Variants in ELFN1 observed in about 807,000 individuals in gnomAD.
ELFN1 encodes the protein extracellular leucine rich repeat and fibronectin type III domain containing 1.
In ELFN1, 6 loss-of-function variants were observed where a neutral mutation model predicts 7.6. That is an observed-to-expected ratio of 0.79 (90% CI 0.43 to 1.56). The LOEUF is 1.56. Ranked by LOEUF, ELFN1 falls within the 40% of genes most tolerant of loss-of-function variation. ELFN1 has a pLI of 0.01. For missense variants in ELFN1, 1,169 were observed against 1,232.2 expected, an observed-to-expected ratio of 0.95 and a Z score of 0.77; for synonymous variants, 657 against 588.1, an observed-to-expected ratio of 1.12 and a Z score of -1.70.
rs547789992 is a variant in ELFN1 at position 1,693,306 on chromosome 7, C to T, written c.-456+5156C>T. On this transcript the variant is annotated intron_variant, in intron 2 of 3. Coordinates refer to ENST00000424383, the MANE Select transcript of ELFN1 (RefSeq NM_001128636.4). ...CTGGGGAAAGGAACGCCCATCGGGG[C>T]AGCCTCAGAAAGTGCCCGATTCCAA... is the stretch of plus-strand genomic sequence containing the variant. The T allele has an allele frequency of 2.4e-5, 11 of 457,240 alleles. 1 individual carries two copies. Among genetic ancestry groups the T allele is most frequent in the African/African-American group, 1.2e-4 (6 of 49,950 alleles). The allele number at this position is 457,240 out of a possible 1,614,324, so 28.3% of individuals were successfully genotyped here. A position where few individuals can be genotyped will look rare whatever the true frequency, so the allele number is the denominator to read the frequency against.
At chr7:1,726,638 C>T (rs1453918977) in intron 3 of ELFN1, among the ~76,000 whole-genome samples, 1 of 152,186 alleles carries the variant, frequency 6.6e-6, no homozygotes, top group Non-Finnish European at 1.5e-5. Context: ...CCAGGGAGGG[C>T]CCCCAAGTCC....
chr7:1,678,475 C>T lies in ELFN1; in HGVS notation c.-549+8121C>T, dbSNP rs116039410. ...GTGCCCATTTCACAGACCAGAAGGCCGAGGCATGGAGTGGGGAAGTAACAT... is the reference window on the plus strand; with the variant it reads ...GTGCCCATTTCACAGACCAGAAGGCTGAGGCATGGAGTGGGGAAGTAACAT... On this transcript the variant is annotated intron_variant, in intron 1 of 3. Transcript: ENST00000424383. Among the ~76,000 whole-genome samples the T allele has an allele frequency of 3.8e-3, 582 of 152,306 alleles. 5 individuals carry two copies. Among genetic ancestry groups the T allele is most frequent in the African/African-American group, 0.013 (561 of 41,556 alleles).
intron 3 of ELFN1, among the ~76,000 whole-genome samples, chr7:1,713,087 G>GTTCAGGCTCC (rs1779711779): frequency 6.6e-6 from 1 of 152,138 alleles, no homozygotes; most frequent in Admixed American, 6.5e-5. Flanking sequence ...CCCAGCCCAA[G>GTTCAGGCTCC]TTCAGGCTCC....
rs540290677 is a variant in ELFN1 at position 1,701,898 on chromosome 7, C to G, written c.-455-7193C>G. The stretch of plus-strand genomic sequence containing the variant: ...ATAGTTCTTCTTTTTGCATTTAGCT[C>G]TGTAATCAGCCTGGAGTTGACTTTA... On this transcript the variant is annotated intron_variant, in intron 2 of 3. Coordinates refer to ENST00000424383, the MANE Select transcript of ELFN1 (RefSeq NM_001128636.4). Among the ~76,000 whole-genome samples, 29 of 152,224 alleles carry G rather than the reference C, an allele frequency of 1.9e-4. 1 individual carries two copies. Among genetic ancestry groups the G allele is most frequent in the African/African-American group, 7.0e-4 (29 of 41,538 alleles).
chr7:1,736,450 C>T (rs1039403633), intron 3 of ELFN1, among the ~76,000 whole-genome samples: 5 of 152,204 alleles, frequency 3.3e-5, no homozygotes, highest in South Asian at 2.1e-4. Context: ...CGTCCCAGCA[C>T]GGCTGTTGTG....
rs148947783 is a variant in ELFN1, at chr7:1,746,026, C to T, written c.1430C>T (p.Ala477Val). 1,109 of 1,543,988 alleles carry T rather than the reference C, an allele frequency of 7.2e-4. 6 individuals are homozygous for T. The African/African-American group carries it at 0.013, about 18-fold the overall frequency. Residue 477 changes from alanine (A) to valine (V), a missense_variant, in exon 4 of 4, where the codon GCG becomes GTG. By Grantham distance (64) the Ala-to-Val change is moderately conservative (BLOSUM62 0). This residue lies in a region of ELFN1 where 914 missense variants were observed against 872.6 expected (regional missense o/e 1.05). Transcript: ENST00000424383. ...IELKYGPELE[A>V]PGLAPLSQGP... ...CTCAAGTACGGGCCAGAGCTGGAGG[C>T]GCCCGGCCTGGCCCCGCTGTCCCAG...
Position 1,746,932 on chromosome 7 carries a change from G to A in ELFN1, c.2336G>A (p.Arg779His), listed in dbSNP as rs1036475500. The A allele has an allele frequency of 2.6e-6, 4 of 1,549,904 alleles. No homozygotes were observed. Among genetic ancestry groups the A allele is most frequent in the East Asian group, 2.4e-5 (1 of 40,874 alleles). Residue 779 changes from arginine (R) to histidine (H), a missense_variant, in exon 4 of 4, where the codon CGC (arginine) becomes CAC (histidine). Coordinates refer to ENST00000424383, the MANE Select transcript of ELFN1 (RefSeq NM_001128636.4). ...CGGGCCTCCCAGAGCATCTGGGAGC[G>A]CTTCAGACTGAGCCGCCGGCGGCAC... is the stretch of plus-strand genomic sequence containing the variant. ...TCRASQSIWE[R>H]FRLSRRRHKE...
intron 3 of ELFN1, among the ~76,000 whole-genome samples, chr7:1,720,291 G>C (rs889980172): frequency 6.6e-6 from 1 of 152,180 alleles, no homozygotes; most frequent in Non-Finnish European, 1.5e-5. Flanking sequence ...GGGAACAGCC[G>C]GTGGGCAGAC....
At position 1,719,317 on chromosome 7, in the gene ELFN1, C is replaced by CCAACAGGAA. The variant is rs1779942027; in HGVS notation, c.-294+10066_-294+10067insAACAGGAAC. The stretch of plus-strand genomic sequence containing the variant: ...AACAGGGCCCCGCCCACCAACAGGA[C>CCAACAGGAA]CCAAGCCACCAACAGGGCCCCGCCC... On this transcript the variant is annotated intron_variant, in intron 3 of 3. Coordinates refer to ENST00000424383, the MANE Select transcript of ELFN1 (RefSeq NM_001128636.4). Among the ~76,000 whole-genome samples, 11 of 128,392 alleles carry CCAACAGGAA rather than the reference C, an allele frequency of 8.6e-5. 1 individual carries two copies. Among genetic ancestry groups the CCAACAGGAA allele is most frequent in the Admixed American group, 7.5e-4 (10 of 13,370 alleles). The allele number at this position is 128,392 out of a possible 152,430, so 84.2% of individuals were successfully genotyped here. A position where few individuals can be genotyped will look rare whatever the true frequency, so the allele number is the denominator to read the frequency against.
At chr7:1,734,266 T>C (rs1414733608) in intron 3 of ELFN1, among the ~76,000 whole-genome samples, 2 of 151,980 alleles carry the variant, frequency 1.3e-5, no homozygotes, top group Non-Finnish European at 2.9e-5. Flanking sequence ...TCATTCCTCC[T>C]CTCCCGGGGC....
At position 1,727,948 on chromosome 7, in the gene ELFN1, C is replaced by A. The variant is rs952180167; in HGVS notation, c.-293-16356C>A. 4.6e-5 allele frequency among the ~76,000 whole-genome samples: 7 copies of A among 152,220 alleles called. No individual in the cohort carries two copies. The South Asian group carries it at 1.5e-3, about 32-fold the overall frequency. On this transcript the variant is annotated intron_variant, in intron 3 of 3. Transcript: ENST00000424383. The stretch of plus-strand genomic sequence containing the variant: ...TTGCAGCCTGTTGGACTTTTGAATG[C>A]CCAGGGAATGGGCCTTCTCTCCACC...
chr7:1,671,142 G>T (rs1346569887), intron 1 of ELFN1, among the ~76,000 whole-genome samples: 1 of 151,234 alleles, frequency 6.6e-6, no homozygotes, highest in Admixed American at 6.6e-5. Context: ...GGGTGGGGCG[G>T]GGGGCACTGC....
chr7:1,714,948 C>T (rs1232436582), intron 3 of ELFN1, among the ~76,000 whole-genome samples: 1 of 152,244 alleles, frequency 6.6e-6, no homozygotes, highest in Non-Finnish European at 1.5e-5. Context: ...TGCTCTGCCA[C>T]TGCGGACGTT....
rs1448763299 is a variant in ELFN1, at chr7:1,705,424, C to G, written c.-455-3667C>G. On this transcript the variant is annotated intron_variant, in intron 2 of 3. Coordinates refer to ENST00000424383, the MANE Select transcript of ELFN1 (RefSeq NM_001128636.4). The surrounding 1 kb of genome is among the most constrained non-coding windows in gnomAD (Gnocchi z 4.3). Reference sequence around the variant, plus strand: ...GACATTTGCAAGTTGATGAGTTGTTCTTCATCCTGGAAGGAGGAGGAGGAG... The same window carrying G: ...GACATTTGCAAGTTGATGAGTTGTTGTTCATCCTGGAAGGAGGAGGAGGAG... 6.6e-6 allele frequency among the ~76,000 whole-genome samples: 1 copy of G among 152,240 alleles called. No individual in the cohort carries two copies. Among genetic ancestry groups the G allele is most frequent in the East Asian group, 1.9e-4 (1 of 5,196 alleles).
At chr7:1,702,410 G>A (rs76384551) in intron 2 of ELFN1, among the ~76,000 whole-genome samples, 6,363 of 150,656 alleles carry the variant, frequency 0.042, 607 homozygotes, top group African/African-American at 0.15. Flanking sequence ...GCGACAGAAC[G>A]AGACTCCGTC....
At chr7:1,681,741 T>C (rs1778978767) in intron 1 of ELFN1, among the ~76,000 whole-genome samples, 1 of 152,232 alleles carries the variant, frequency 6.6e-6, no homozygotes, top group South Asian at 2.1e-4. Context: ...TTCCAGCCCC[T>C]GCGTGTCTCT....
At chr7:1,669,444 G>C (rs945533112), upstream of ELFN1, among the ~76,000 whole-genome samples, 1 of 152,104 alleles carries the variant, frequency 6.6e-6, no homozygotes, top group Non-Finnish European at 1.5e-5. Context: ...AGGCACCGCC[G>C]GGGCCTGCCC....
chr7:1,697,929 G>A (rs1215958807), intron 2 of ELFN1, among the ~76,000 whole-genome samples: 1 of 152,204 alleles, frequency 6.6e-6, no homozygotes, highest in Non-Finnish European at 1.5e-5. Flanking sequence ...AGAAAGGAGA[G>A]ACAGACAGGG....
Position 1,747,298 on chromosome 7 carries a change from G to T in ELFN1, c.*215G>T. The T allele has an allele frequency of 6.4e-6, 2 of 313,054 alleles. No homozygotes were observed. The highest frequency in any genetic ancestry group is 5.3e-6 in the Non-Finnish European group (1 of 190,428). The allele number at this position is 313,054 out of a possible 1,614,324, so 19.4% of individuals were successfully genotyped here. On this transcript the variant is annotated 3_prime_UTR_variant, in exon 4 of 4. Coordinates refer to ENST00000424383, the MANE Select transcript of ELFN1 (RefSeq NM_001128636.4). ...ATGCGCTTGTCGCCCCGGGTGGCAC[G>T]TGTCCACACACACACACACACACAC...
Sources: gnomAD v4.1 joint callset for allele counts (sites outside exome capture counted in the v4.1 genomes callset) on GRCh38, gnomAD v4.1.1 for gene constraint, gnomAD v4.1.1 regional missense constraint, Gnocchi (gnomAD v3.1) non-coding constraint, MANE v1.5 for transcripts, NCBI Gene and HGNC (gene_info 2026-07-23, HGNC 2026-07-21) for gene names.